GTF2F2: variants seen among roughly 807,000 people sequenced by gnomAD.
The protein encoded by GTF2F2 is general transcription factor IIF subunit 2.
A neutral mutation model predicts 42.2 loss-of-function variants in GTF2F2; 23 were observed. The observed-to-expected ratio is 0.55, with a 90% CI of 0.39 to 0.77. GTF2F2 has a LOEUF of 0.77. Among genes scored for constraint, GTF2F2 ranks in the 30% least tolerant of loss-of-function variants. GTF2F2 has a pLI of 0.00. For synonymous variants in GTF2F2, 105 were observed against 100.8 expected (o/e 1.04, Z -0.25); for missense variants, 261 against 287.2 (o/e 0.91, Z 0.66).
At chr13:45,194,627 A>G (rs1872800416) in intron 4 of GTF2F2, 1 of 1,429,608 alleles carries the variant, frequency 7.0e-7, no homozygotes, top group Non-Finnish European at 9.6e-7. Context: ...AAAAAGAGAC[A>G]CTACCACACA....
At chr13:45,184,398 T>C (rs1044949205) in intron 4 of GTF2F2, among the ~76,000 whole-genome samples, 11 of 143,082 alleles carry the variant, frequency 7.7e-5, no homozygotes, top group African/African-American at 2.8e-4. Context: ...CCCCCCGCCC[T>C]TTTTTTTTGA....
At chr13:45,224,254 A>G (rs562395646) in intron 5 of GTF2F2, among the ~76,000 whole-genome samples, 68 of 152,222 alleles carry the variant, frequency 4.5e-4, no homozygotes, top group South Asian at 1.5e-3. Flanking sequence ...TCATTTTGTC[A>G]TGTTGATTGT....
At chr13:45,173,719 A>G (rs898576739) in intron 4 of GTF2F2, among the ~76,000 whole-genome samples, 10 of 145,038 alleles carry the variant, frequency 6.9e-5, no homozygotes, top group African/African-American at 2.6e-4. Flanking sequence ...CCAGGTTCAC[A>G]CCATTCTCCT....
At position 45,277,549 on chromosome 13, in the gene GTF2F2, C is replaced by T. The variant is rs145601048; in HGVS notation, c.631-5893C>T. The stretch of plus-strand genomic sequence containing the variant: ...ACCTCCAACACTGGGGATTACATTT[C>T]AATATGATATTTTCATGAGGACACA... On this transcript the variant is annotated intron_variant, in intron 7 of 7. Transcript: ENST00000340473. Among the ~76,000 whole-genome samples, 925 of 152,276 alleles carry T rather than the reference C, an allele frequency of 6.1e-3. 37 individuals are homozygous for T. Among genetic ancestry groups the T allele is most frequent in the Admixed American group, 0.053 (815 of 15,296 alleles).
intron 4 of GTF2F2, among the ~76,000 whole-genome samples, chr13:45,182,191 C>T (rs939694829): frequency 6.6e-6 from 1 of 152,096 alleles, no homozygotes; most frequent in African/African-American, 2.4e-5. Context: ...CGCTCTGTTG[C>T]CCAGGCTGGA....
chr13:45,228,616 A>G (rs1566142572), intron 5 of GTF2F2, among the ~76,000 whole-genome samples: 1 of 147,662 alleles, frequency 6.8e-6, no homozygotes, highest in African/African-American at 2.5e-5. Context: ...TTCTCCCTAA[A>G]CACTAGTCTC....
chr13:45,199,766 G>T (rs1168547744), intron 4 of GTF2F2, among the ~76,000 whole-genome samples: 1 of 152,144 alleles, frequency 6.6e-6, no homozygotes, highest in Non-Finnish European at 1.5e-5. Flanking sequence ...TCTTGTAAAG[G>T]TAGTACAGTT....
chr13:45,222,285 A>G (rs943174358), intron 5 of GTF2F2, among the ~76,000 whole-genome samples: 7 of 152,092 alleles, frequency 4.6e-5, no homozygotes, highest in African/African-American at 1.4e-4. Context: ...GAAGTTAACA[A>G]TGTTTTTCTG....
At chr13:45,172,152 A>T (rs1871628874) in intron 4 of GTF2F2, among the ~76,000 whole-genome samples, 1 of 152,080 alleles carries the variant, frequency 6.6e-6, no homozygotes, top group Non-Finnish European at 1.5e-5. Context: ...TTCCAATTTC[A>T]CCACATCCCC....
At chr13:45,126,626 A>G (rs1183351071) in intron 1 of GTF2F2, among the ~76,000 whole-genome samples, 1 of 152,166 alleles carries the variant, frequency 6.6e-6, no homozygotes, top group Non-Finnish European at 1.5e-5. Flanking sequence ...GCTTTCAGTG[A>G]TTGCTAGGCT....
intron 5 of GTF2F2, among the ~76,000 whole-genome samples, chr13:45,241,655 G>A (rs184599506): frequency 1.2e-4 from 19 of 152,282 alleles, no homozygotes; most frequent in Non-Finnish European, 2.4e-4. Context: ...CCTACAGAGT[G>A]AAAAGCAAGC....
At chr13:45,121,178 C>T (rs1868614026) in intron 1 of GTF2F2, among the ~76,000 whole-genome samples, 1 of 152,202 alleles carries the variant, frequency 6.6e-6, no homozygotes, top group African/African-American at 2.4e-5. Flanking sequence ...GGTTGATGGT[C>T]CTTAATGAAG....
intron 7 of GTF2F2, among the ~76,000 whole-genome samples, chr13:45,275,208 C>T (rs762086147): frequency 6.6e-5 from 10 of 152,158 alleles, no homozygotes; most frequent in Admixed American, 2.6e-4. Context: ...TGGCACACAT[C>T]AGTACAGCTG....
At chr13:45,253,870 T>C (rs1206976988) in intron 6 of GTF2F2, among the ~76,000 whole-genome samples, 3 of 152,034 alleles carry the variant, frequency 2.0e-5, no homozygotes, top group African/African-American at 7.2e-5. Flanking sequence ...GGTCAGGAGA[T>C]CGAGACCATC....
At chr13:45,257,859 T>A (rs1420551948) in intron 6 of GTF2F2, among the ~76,000 whole-genome samples, 1 of 152,172 alleles carries the variant, frequency 6.6e-6, no homozygotes, top group Non-Finnish European at 1.5e-5. Context: ...TTGAGCGTTG[T>A]GCCTTCATGT....
chr13:45,238,761 A>G (rs1198813618), intron 5 of GTF2F2, among the ~76,000 whole-genome samples: 1 of 152,098 alleles, frequency 6.6e-6, no homozygotes. Flanking sequence ...CCTGACCAAC[A>G]TGGAGAAACC....
chr13:45,271,644 C>T (rs185360046), intron 7 of GTF2F2, among the ~76,000 whole-genome samples: 172 of 152,078 alleles, frequency 1.1e-3, no homozygotes, highest in African/African-American at 4.0e-3. Flanking sequence ...CTCCACCTCC[C>T]GGGTTCAAGA....
At chr13:45,277,718 A>G (rs1356593880) in intron 7 of GTF2F2, among the ~76,000 whole-genome samples, 1 of 152,382 alleles carries the variant, frequency 6.6e-6, no homozygotes, top group East Asian at 1.9e-4. Flanking sequence ...AGTTGCAGTC[A>G]TTCACACAAA....
At chr13:45,229,586 TAGAG>T (rs1436956644) in intron 5 of GTF2F2, among the ~76,000 whole-genome samples, 2 of 151,852 alleles carry the variant, frequency 1.3e-5, no homozygotes, top group Non-Finnish European at 2.9e-5. Flanking sequence ...TAATAGAAAT[TAGAG>T]AGGTTGTGAA....
Sources: gnomAD v4.1 joint callset for allele counts (sites outside exome capture counted in the v4.1 genomes callset) on GRCh38, gnomAD v4.1.1 for gene constraint, MANE v1.5 for transcripts, NCBI Gene and HGNC (gene_info 2026-07-23, HGNC 2026-07-21) for gene names.